The following NTRK3 variants were observed in gnomAD, a reference collection of about 807,000 sequenced individuals.
The protein encoded by NTRK3 is NT-3 growth factor receptor.
A neutral mutation model predicts 91.7 loss-of-function variants in NTRK3; 24 were observed. The ratio of observed to expected loss-of-function variants is 0.26; its 90% CI spans 0.19 to 0.37. NTRK3 has a LOEUF of 0.37. Ranked by LOEUF, NTRK3 falls within the 10% of genes least tolerant of loss-of-function variation. The pLI is 1.00. For synonymous variants in NTRK3, 483 were observed against 404.0 expected (o/e 1.20, Z -2.34); for missense variants, 880 against 1,068.9 (o/e 0.82, Z 2.46).
rs370150157 is a variant in NTRK3, at chr15:88,010,833, G to A, written c.1585+22024C>T. On this transcript the variant is annotated intron_variant, in intron 14 of 18. Coordinates refer to ENST00000394480, the Ensembl canonical transcript of NTRK3. ...AGCCGGGCTAATTGTACCACTCACA[G>A]ACACATCTCCGTGTGCCTAACTCAT... Among the ~76,000 whole-genome samples, 7 of 151,938 alleles carry A rather than the reference G, an allele frequency of 4.6e-5. No individual in the cohort carries two copies. The South Asian group carries it at 1.5e-3, about 32-fold the overall frequency.
At chr15:88,153,948 T>C (rs1179208611) in intron 5 of NTRK3, among the ~76,000 whole-genome samples, 1 of 151,946 alleles carries the variant, frequency 6.6e-6, no homozygotes, top group African/African-American at 2.4e-5. Flanking sequence ...ATAGCAATCA[T>C]CTTGGAGACC....
intron 14 of NTRK3, among the ~76,000 whole-genome samples, chr15:87,944,139 G>T (rs1439705464): frequency 6.6e-6 from 1 of 152,204 alleles, no homozygotes; most frequent in Non-Finnish European, 1.5e-5. Context: ...AATAAGCACA[G>T]ATTTTATTCG....
chr15:87,962,698 G>T (rs772649174), intron 14 of NTRK3, among the ~76,000 whole-genome samples: 7 of 152,188 alleles, frequency 4.6e-5, no homozygotes, highest in Admixed American at 1.3e-4. Context: ...TTTACAGCCA[G>T]CTTCAATCTC....
At chr15:88,158,283 A>T (rs1282595397) in intron 5 of NTRK3, among the ~76,000 whole-genome samples, 1 of 152,228 alleles carries the variant, frequency 6.6e-6, no homozygotes, top group East Asian at 1.9e-4. Flanking sequence ...CCATTAAAAC[A>T]AATACAGGAG....
intron 13 of NTRK3, among the ~76,000 whole-genome samples, chr15:88,066,474 G>GCT (rs1391687341): frequency 5.3e-5 from 8 of 152,196 alleles, no homozygotes; most frequent in African/African-American, 1.9e-4. Context: ...CACACCCACA[G>GCT]CTCTCTTCTG....
At chr15:87,912,931 A>AAAATATATATATATATAT (rs1484111389) in intron 17 of NTRK3, among the ~76,000 whole-genome samples, 15 of 36,478 alleles carry the variant, frequency 4.1e-4, no homozygotes, top group East Asian at 1.6e-3. Flanking sequence ...AGTAAAAAAA[A>AAAATATATATATATATAT]ATATATATAT....
chr15:87,861,393 A>C (rs1396210190), exon 19 of NTRK3: 1 of 210,210 alleles, frequency 4.8e-6, no homozygotes, highest in African/African-American at 2.3e-5. Flanking sequence ...AGGGACATGT[A>C]ATGTCCAGTA....
intron 13 of NTRK3, 87 bp from the exon 14 acceptor site, chr15:88,033,132 T>C: frequency 3.4e-6 from 4 of 1,167,330 alleles, no homozygotes; most frequent in Non-Finnish European, 4.8e-6. Flanking sequence ...CCAACTACTG[T>C]TCCCATCACA....
At chr15:88,011,350 G>A (rs1567224826) in intron 14 of NTRK3, among the ~76,000 whole-genome samples, 1 of 152,098 alleles carries the variant, frequency 6.6e-6, no homozygotes. Flanking sequence ...AGTTTATCTG[G>A]GAATGAATGA....
At chr15:87,967,366 G>A (rs1003231498) in intron 14 of NTRK3, among the ~76,000 whole-genome samples, 16 of 152,260 alleles carry the variant, frequency 1.1e-4, no homozygotes, top group Non-Finnish European at 2.1e-4. Context: ...AAGCTCCCTA[G>A]ACATTAAAGC....
At chr15:87,986,078 C>A (rs1283755600) in intron 14 of NTRK3, among the ~76,000 whole-genome samples, 4 of 152,190 alleles carry the variant, frequency 2.6e-5, no homozygotes, top group East Asian at 1.9e-4. Context: ...AAAAAAATTT[C>A]TTTACCATTC....
At chr15:88,104,230 C>A (rs2050469192) in intron 13 of NTRK3, among the ~76,000 whole-genome samples, 1 of 152,242 alleles carries the variant, frequency 6.6e-6, no homozygotes, top group Non-Finnish European at 1.5e-5. Flanking sequence ...CGACTTTTCA[C>A]TGCATGCAGG....
At position 88,128,150 on chromosome 15, in the gene NTRK3, AC is replaced by A. The variant is rs759324374; in HGVS notation, c.1228+560del. On this transcript the variant is annotated intron_variant, in intron 11 of 18. Transcript: ENST00000394480. ...AAAAGGAATAAACACAGGTTTCCCTACAGTCCATAAACAAAACCCCAAATTC... is the reference window on the plus strand; with the variant it reads ...AAAAGGAATAAACACAGGTTTCCCTAAGTCCATAAACAAAACCCCAAATTC... Among the ~76,000 whole-genome samples the A allele has an allele frequency of 2.0e-5, 3 of 152,238 alleles. No homozygotes were observed. In the South Asian group the frequency reaches 6.2e-4, roughly 32 times the overall value.
chr15:88,163,695 C>T (rs2044673716), intron 5 of NTRK3, among the ~76,000 whole-genome samples: 1 of 152,184 alleles, frequency 6.6e-6, no homozygotes, highest in Admixed American at 6.5e-5. Context: ...GCAGGACCTT[C>T]ATTCTTTTTG....
At chr15:88,104,010 CATTCTTGCTATAAG>C (rs1362593490) in intron 13 of NTRK3, among the ~76,000 whole-genome samples, 2 of 152,194 alleles carry the variant, frequency 1.3e-5, no homozygotes, top group Non-Finnish European at 2.9e-5. Context: ...TTGAGTCTAG[CATTCTTGCTATAAG>C]GGACCTCCTC....
chr15:88,238,935 T>G (rs932752015), intron 3 of NTRK3, among the ~76,000 whole-genome samples: 2 of 152,248 alleles, frequency 1.3e-5, no homozygotes. Context: ...GACAAGCTCT[T>G]GCATCTTTTG....
At chr15:87,970,032 G>A (rs2073126523) in intron 14 of NTRK3, among the ~76,000 whole-genome samples, 1 of 152,180 alleles carries the variant, frequency 6.6e-6, no homozygotes, top group African/African-American at 2.4e-5. Flanking sequence ...AGTGACTCAT[G>A]GGGACATGGT....
At chr15:88,032,586 T>G (rs1321688209) in intron 14 of NTRK3, among the ~76,000 whole-genome samples, 1 of 152,042 alleles carries the variant, frequency 6.6e-6, no homozygotes, top group Non-Finnish European at 1.5e-5. Flanking sequence ...CCTGCCTTAT[T>G]GGGAGCACCC....
At chr15:87,876,708 G>T (rs1335610997) in exon 19 of NTRK3, 1 of 222,230 alleles carries the variant, frequency 4.5e-6, no homozygotes. Context: ...TAGATAGTTA[G>T]ATATATAAAT....
Sources: gnomAD v4.1 joint callset for allele counts (sites outside exome capture counted in the v4.1 genomes callset) on GRCh38, gnomAD v4.1.1 for gene constraint, MANE v1.5 for transcripts, NCBI Gene and HGNC (gene_info 2026-07-23, HGNC 2026-07-21) for gene names.